Variants in SH3BGRL2 observed in about 807,000 individuals in gnomAD.
The protein encoded by SH3BGRL2 is SH3 domain-binding glutamic acid-rich-like protein 2.
In SH3BGRL2, 21 loss-of-function variants were observed where a neutral mutation model predicts 14.8. The observed-to-expected ratio is 1.42, with a 90% CI of 1.01 to 2.05. The LOEUF is 2.05. Ranked by LOEUF, SH3BGRL2 falls within the 30% of genes most tolerant of loss-of-function variation. SH3BGRL2 has a pLI of 0.00. For synonymous variants in SH3BGRL2, 50 were observed against 47.8 expected (o/e 1.05, Z -0.19); for missense variants, 147 against 130.8 (o/e 1.12, Z -0.61).
chr6:79,597,837 C>A, the SH3BGRL2 span, among the ~76,000 whole-genome samples: 2 of 152,120 alleles, frequency 1.3e-5, no homozygotes, highest in Non-Finnish European at 2.9e-5. Flanking sequence ...CACCAAATGG[C>A]AGAAAATGTT....
At chr6:79,642,054 T>G (rs1769043952) in intron 1 of SH3BGRL2, among the ~76,000 whole-genome samples, 1 of 152,198 alleles carries the variant, frequency 6.6e-6, no homozygotes, top group Non-Finnish European at 1.5e-5. Flanking sequence ...TATAAAGTGC[T>G]TACTACTATG....
At chr6:79,538,027 T>G in the SH3BGRL2 span, among the ~76,000 whole-genome samples, 26 of 87,004 alleles carry the variant, frequency 3.0e-4, 1 homozygote, top group East Asian at 4.4e-3. Flanking sequence ...AGTTTTTTTT[T>G]TTTTTTTTTT....
chr6:79,597,691 C>G, the SH3BGRL2 span, among the ~76,000 whole-genome samples: 3 of 152,278 alleles, frequency 2.0e-5, no homozygotes, highest in African/African-American at 7.2e-5. Flanking sequence ...ATCTTCATGA[C>G]TTTGAACATG....
chr6:79,681,230 A>G (rs1769982852), intron 2 of SH3BGRL2, among the ~76,000 whole-genome samples: 1 of 152,244 alleles, frequency 6.6e-6, no homozygotes, highest in South Asian at 2.1e-4. Flanking sequence ...AGCTTAGCTG[A>G]GAGACAGATG....
the SH3BGRL2 span, among the ~76,000 whole-genome samples, chr6:79,565,709 C>T: frequency 2.0e-5 from 3 of 152,200 alleles, no homozygotes; most frequent in African/African-American, 7.2e-5. Flanking sequence ...ATAATGCCTA[C>T]ACACATTTAC....
chr6:79,624,444 A>T, the SH3BGRL2 span, among the ~76,000 whole-genome samples: 1 of 152,064 alleles, frequency 6.6e-6, no homozygotes, highest in East Asian at 1.9e-4. Context: ...TAAAGAACAA[A>T]AACAATATCT....
chr6:79,585,438 T>A, the SH3BGRL2 span, among the ~76,000 whole-genome samples: 2 of 152,230 alleles, frequency 1.3e-5, no homozygotes, highest in Admixed American at 6.5e-5. Flanking sequence ...AAATTATTTG[T>A]AAATAAAATA....
chr6:79,649,831 C>G (rs1769245158), intron 1 of SH3BGRL2, among the ~76,000 whole-genome samples: 1 of 152,150 alleles, frequency 6.6e-6, no homozygotes, highest in Admixed American at 6.6e-5. Context: ...AAATTAGAGG[C>G]TTTGTTTTGT....
At chr6:79,650,993 C>T (rs1005248972) in intron 1 of SH3BGRL2, among the ~76,000 whole-genome samples, 3 of 150,676 alleles carry the variant, frequency 2.0e-5, no homozygotes, top group Non-Finnish European at 4.4e-5. Context: ...TGGAAATCAT[C>T]CTGTTCTTTA....
chr6:79,627,914 T>A (rs1329466680), upstream of SH3BGRL2, among the ~76,000 whole-genome samples: 2 of 152,188 alleles, frequency 1.3e-5, no homozygotes, highest in African/African-American at 2.4e-5. Context: ...AGGGGGTTCA[T>A]GGACTTGAAT....
chr6:79,667,471 G>A (rs1769683339), intron 1 of SH3BGRL2, among the ~76,000 whole-genome samples: 1 of 150,464 alleles, frequency 6.6e-6, no homozygotes, highest in Non-Finnish European at 1.5e-5. Context: ...AATTGAGACA[G>A]AGTCTCACTC....
At chr6:79,560,340 C>T in the SH3BGRL2 span, among the ~76,000 whole-genome samples, 1 of 152,158 alleles carries the variant, frequency 6.6e-6, no homozygotes, top group African/African-American at 2.4e-5. Flanking sequence ...AACCTAGTAA[C>T]AGTAGAGTTA....
At chr6:79,617,108 C>A in the SH3BGRL2 span, among the ~76,000 whole-genome samples, 2 of 151,834 alleles carry the variant, frequency 1.3e-5, no homozygotes, top group East Asian at 3.9e-4. Context: ...TTGCTTGAAC[C>A]CAGGAGGCGG....
At chr6:79,584,267 C>T in the SH3BGRL2 span, among the ~76,000 whole-genome samples, 2 of 152,134 alleles carry the variant, frequency 1.3e-5, no homozygotes, top group African/African-American at 2.4e-5. Flanking sequence ...GCCACCCAAG[C>T]AGCTGTCATA....
At chr6:79,589,848 T>C in the SH3BGRL2 span, among the ~76,000 whole-genome samples, 1 of 152,336 alleles carries the variant, frequency 6.6e-6, no homozygotes, top group South Asian at 2.1e-4. Context: ...CTCAGCTCGC[T>C]GCAGCCTCAA....
At chr6:79,683,157 CTGCACGTTGTGCACA>C (rs1275195136) in intron 2 of SH3BGRL2, among the ~76,000 whole-genome samples, 5 of 152,080 alleles carry the variant, frequency 3.3e-5, no homozygotes, top group African/African-American at 7.2e-5. Context: ...TGTATCAAAC[CTGCACGTTGTGCACA>C]TGTACCCTAG....
At chr6:79,665,135 G>A (rs978400376) in intron 1 of SH3BGRL2, among the ~76,000 whole-genome samples, 4 of 152,186 alleles carry the variant, frequency 2.6e-5, no homozygotes, top group Admixed American at 6.5e-5. Flanking sequence ...AGGAGGAGGA[G>A]TTTGCAGTGA....
chr6:79,608,178 GC>G, the SH3BGRL2 span, among the ~76,000 whole-genome samples: 1 of 152,262 alleles, frequency 6.6e-6, no homozygotes, highest in Admixed American at 6.5e-5. Flanking sequence ...GGGGTAGTCA[GC>G]CCCCATGATC....
At chr6:79,699,158 CT>C (rs1770395613) in intron 3 of SH3BGRL2, among the ~76,000 whole-genome samples, 1 of 152,118 alleles carries the variant, frequency 6.6e-6, no homozygotes, top group Admixed American at 6.5e-5. Flanking sequence ...TCTTGGGTTG[CT>C]ATTAATGGGC....
Sources: allele counts gnomAD v4.1 joint callset (sites outside exome capture counted in the v4.1 genomes callset), GRCh38; gene constraint gnomAD v4.1.1; transcripts MANE v1.5; gene names NCBI Gene and HGNC (gene_info 2026-07-23, HGNC 2026-07-21).